Variants in MSRA observed in about 807,000 individuals in gnomAD.
The protein encoded by MSRA is methionine sulfoxide reductase A.
Under a neutral mutation model 31.3 loss-of-function variants are expected in MSRA, and 54 were observed. The ratio of observed to expected loss-of-function variants is 1.73; its 90% CI spans 1.39 to 2.17. MSRA has a LOEUF of 2.17. MSRA is among the 30% of genes most tolerant of loss of function. The pLI is 0.00. For synonymous variants in MSRA, 169 were observed against 116.5 expected (o/e 1.45, Z -2.90); for missense variants, 507 against 300.9 (o/e 1.69, Z -5.07).
intron 5 of MSRA, among the ~76,000 whole-genome samples, chr8:10,334,590 G>A (rs981709246): frequency 2.6e-5 from 4 of 152,114 alleles, no homozygotes; most frequent in Admixed American, 1.3e-4. Context: ...GCGCCTGCAC[G>A]GCCGCGGGAC....
At chr8:10,393,451 GAAGGAAA>G (rs1806890068) in intron 5 of MSRA, among the ~76,000 whole-genome samples, 1 of 152,214 alleles carries the variant, frequency 6.6e-6, no homozygotes, top group Admixed American at 6.5e-5. Context: ...ATGCCATCTT[GAAGGAAA>G]TTGGCACAAA....
At chr8:10,056,147 T>C (rs1327680901) in intron 1 of MSRA, among the ~76,000 whole-genome samples, 1 of 143,500 alleles carries the variant, frequency 7.0e-6, no homozygotes, top group Non-Finnish European at 1.5e-5. Context: ...CAGCTTGTGC[T>C]ATACTTCCCG....
chr8:10,132,997 G>GT (rs1202990688), intron 1 of MSRA, among the ~76,000 whole-genome samples: 1 of 152,168 alleles, frequency 6.6e-6, no homozygotes, highest in Non-Finnish European at 1.5e-5. Flanking sequence ...ACCATATGGG[G>GT]TCCTGCCTTG....
intron 3 of MSRA, among the ~76,000 whole-genome samples, chr8:10,265,066 G>A (rs1798675470): frequency 6.6e-6 from 1 of 152,154 alleles, no homozygotes; most frequent in African/African-American, 2.4e-5. Flanking sequence ...AGCATTGAGA[G>A]CTCTTGTTCA....
intron 1 of MSRA, among the ~76,000 whole-genome samples, chr8:10,100,660 C>G (rs369604862): frequency 6.6e-6 from 1 of 152,068 alleles, no homozygotes; most frequent in South Asian, 2.1e-4. Context: ...TGAAACTCAT[C>G]AGATTCTGAA....
intron 4 of MSRA, among the ~76,000 whole-genome samples, chr8:10,317,349 A>C (rs951828853): frequency 3.3e-5 from 5 of 152,216 alleles, no homozygotes; most frequent in Non-Finnish European, 7.3e-5. Flanking sequence ...GTACCCAAAG[A>C]TGAGCTGAGG....
chr8:10,412,467 T>C (rs1445040443), intron 5 of MSRA, among the ~76,000 whole-genome samples: 3 of 152,186 alleles, frequency 2.0e-5, no homozygotes, highest in Admixed American at 1.3e-4. Flanking sequence ...TGATATAAAC[T>C]ATCGAACATG....
chr8:10,406,705 C>G (rs1202102301), intron 5 of MSRA, among the ~76,000 whole-genome samples: 1 of 152,342 alleles, frequency 6.6e-6, no homozygotes, highest in South Asian at 2.1e-4. Flanking sequence ...TAAGCCATAT[C>G]TCCCCTGCTC....
chr8:10,280,677 C>G (rs917594526), intron 3 of MSRA, among the ~76,000 whole-genome samples: 1 of 152,122 alleles, frequency 6.6e-6, no homozygotes, highest in Non-Finnish European at 1.5e-5. Context: ...GGTATATACC[C>G]AAGAGTCATG....
At chr8:10,353,214 T>C (rs1384169019) in intron 5 of MSRA, among the ~76,000 whole-genome samples, 1 of 152,224 alleles carries the variant, frequency 6.6e-6, no homozygotes, top group Non-Finnish European at 1.5e-5. Flanking sequence ...AGAACATTCT[T>C]GGGAGAACTG....
chr8:10,192,164 A>C (rs1210736613), intron 1 of MSRA, among the ~76,000 whole-genome samples: 1 of 152,224 alleles, frequency 6.6e-6, no homozygotes, highest in East Asian at 1.9e-4. Context: ...ATAGTCTATC[A>C]TCCACTCACG....
intron 1 of MSRA, among the ~76,000 whole-genome samples, chr8:10,087,615 C>T (rs974722290): frequency 3.9e-5 from 6 of 152,184 alleles, no homozygotes; most frequent in South Asian, 4.2e-4. Context: ...TTTTCTGTCC[C>T]GTGGGCTAGG....
intron 3 of MSRA, among the ~76,000 whole-genome samples, chr8:10,246,728 TG>T (rs539172384): frequency 5.9e-5 from 9 of 152,348 alleles, no homozygotes; most frequent in African/African-American, 2.2e-4. Context: ...AAAATGTGCA[TG>T]TTCTTATTTT....
intron 5 of MSRA, among the ~76,000 whole-genome samples, chr8:10,402,240 G>A (rs959760627): frequency 2.6e-5 from 4 of 152,144 alleles, no homozygotes; most frequent in African/African-American, 9.7e-5. Context: ...GGCTATGAAG[G>A]TATTGCTCCC....
chr8:10,062,759 T>C (rs1797270868), intron 1 of MSRA, among the ~76,000 whole-genome samples: 1 of 152,160 alleles, frequency 6.6e-6, no homozygotes, highest in African/African-American at 2.4e-5. Context: ...ATCAGAAAAC[T>C]TTATTAACTA....
chr8:10,383,305 A>C (rs1202807535), intron 5 of MSRA, among the ~76,000 whole-genome samples: 1 of 152,154 alleles, frequency 6.6e-6, no homozygotes, highest in Admixed American at 6.5e-5. Flanking sequence ...TCAGCATGCA[A>C]AGTGGGGTGC....
intron 1 of MSRA, among the ~76,000 whole-genome samples, chr8:10,120,673 G>C (rs1314359465): frequency 1.5e-4 from 23 of 152,218 alleles, no homozygotes; most frequent in Admixed American, 9.8e-4. Flanking sequence ...CAGTAGGGGA[G>C]ATGATCATGT....
chr8:10,100,214 C>A (rs910610109), intron 1 of MSRA, among the ~76,000 whole-genome samples: 6 of 152,248 alleles, frequency 3.9e-5, no homozygotes, highest in African/African-American at 9.6e-5. Context: ...GTTGCTGAGG[C>A]CAGTTCATGT....
chr8:10,288,122 G>C (rs1468000755), intron 3 of MSRA, among the ~76,000 whole-genome samples: 1 of 152,138 alleles, frequency 6.6e-6, no homozygotes, highest in Non-Finnish European at 1.5e-5. Flanking sequence ...AGTTGGTTTG[G>C]TCACCATTTT....
Sources: allele counts gnomAD v4.1 joint callset (sites outside exome capture counted in the v4.1 genomes callset), GRCh38; gene constraint gnomAD v4.1.1; transcripts MANE v1.5; gene names NCBI Gene and HGNC (gene_info 2026-07-23, HGNC 2026-07-21).